PARP4: variants seen among roughly 807,000 people sequenced by gnomAD.
PARP4 encodes the protein protein mono-ADP-ribosyltransferase PARP4.
A neutral mutation model predicts 187.7 loss-of-function variants in PARP4; 120 were observed. That is an observed-to-expected ratio of 0.64 (90% CI 0.55 to 0.74). PARP4 has a LOEUF of 0.74. Ranked by LOEUF, PARP4 falls within the 30% of genes least tolerant of loss-of-function variation. The pLI is 0.00. For missense variants in PARP4, 1,836 were observed against 2,070.5 expected (o/e 0.89, Z 2.20); for synonymous variants, 654 against 740.9 (o/e 0.88, Z 1.90).
In PARP4 at chr13:24,498,273, T is replaced by A. The variant is rs532805187; in HGVS notation, c.478-44A>T. The A allele has an allele frequency of 6.3e-4, 712 of 1,134,978 alleles. 6 individuals carry two copies. The South Asian group carries it at 8.5e-3, about 14-fold the overall frequency. The allele number at this position is 1,134,978 out of a possible 1,614,324, so 70.3% of individuals were successfully genotyped here. Reference sequence around the variant, plus strand: ...TTTCAGAAGCTGCACTCGGGAAACATCAAACTACATGTGCCATTTGAAAAT... The same window carrying A: ...TTTCAGAAGCTGCACTCGGGAAACAACAAACTACATGTGCCATTTGAAAAT... On this transcript the variant is annotated intron_variant, in intron 5 of 33. Transcript: ENST00000381989.
At chr13:24,472,159 A>G (rs1276428090) in intron 15 of PARP4, among the ~76,000 whole-genome samples, 4 of 128,190 alleles carry the variant, frequency 3.1e-5, no homozygotes, top group African/African-American at 1.1e-4. Flanking sequence ...AACAATGGGC[A>G]TAATTATAGC....
chr13:24,446,099 C>T (rs1199021561), intron 27 of PARP4, among the ~76,000 whole-genome samples: 1 of 152,140 alleles, frequency 6.6e-6, no homozygotes, highest in Non-Finnish European at 1.5e-5. Context: ...TACTCTTAGT[C>T]CAGTATTATT....
chr13:24,429,513 G>A (rs56900489), intron 32 of PARP4, among the ~76,000 whole-genome samples: 7,229 of 152,212 alleles, frequency 0.047, 489 homozygotes, highest in African/African-American at 0.15. Flanking sequence ...GCTTTATTAG[G>A]ATGGGTCTAT....
intron 10 of PARP4, among the ~76,000 whole-genome samples, chr13:24,489,395 G>A (rs1461576004): frequency 6.6e-6 from 1 of 152,128 alleles, no homozygotes; most frequent in East Asian, 1.9e-4. Flanking sequence ...AGATCACAAG[G>A]TCAGGAGATC....
chr13:24,422,515 C>T (rs1418490175), intron 33 of PARP4, among the ~76,000 whole-genome samples: 1 of 152,108 alleles, frequency 6.6e-6, no homozygotes, highest in Non-Finnish European at 1.5e-5. Flanking sequence ...GTGCCTACAC[C>T]CCCATATAAT....
intron 8 of PARP4, among the ~76,000 whole-genome samples, chr13:24,492,857 C>A (rs1185130470): frequency 6.6e-6 from 1 of 152,190 alleles, no homozygotes; most frequent in Non-Finnish European, 1.5e-5. Flanking sequence ...GTGGACACAT[C>A]TACATACCTA....
chr13:24,459,638 T>C (rs1337521568), intron 18 of PARP4, among the ~76,000 whole-genome samples: 2 of 152,188 alleles, frequency 1.3e-5, no homozygotes, highest in Non-Finnish European at 2.9e-5. Context: ...CCATTAACTC[T>C]GGGCAATGGG....
In PARP4 at chr13:24,446,752, A is replaced by T. The variant is rs572444697; in HGVS notation, c.3295T>A (p.Cys1099Ser). 4.4e-6 allele frequency: 7 copies of T among 1,590,716 alleles called. No homozygotes were observed. In the East Asian group the frequency reaches 1.3e-4, roughly 30 times the overall value. Residue 1099 changes from cysteine to serine, a missense_variant, in exon 27 of 34, where the codon TGT becomes AGT. Coordinates refer to ENST00000381989, the MANE Select transcript of PARP4 (RefSeq NM_006437.4). Reference sequence around the variant, plus strand: ...AATTCTTTCTCTTGAATTAGTGCACACAGAGTTGCCTGAAATGGGGAAAAA... The same window carrying T: ...AATTCTTTCTCTTGAATTAGTGCACTCAGAGTTGCCTGAAATGGGGAAAAA... ...FIPHCTQATL[C>S]ALIQEKEFRT...
chr13:24,459,928 T>C (rs768715527), intron 18 of PARP4, 44 bp downstream of exon 18: 2 of 1,572,666 alleles, frequency 1.3e-6, no homozygotes, highest in Non-Finnish European at 1.7e-6. Flanking sequence ...CCACTCCCCC[T>C]CCACTGCTGC....
intron 17 of PARP4, among the ~76,000 whole-genome samples, chr13:24,464,588 T>C (rs1365904626): frequency 1.3e-5 from 2 of 152,186 alleles, no homozygotes; most frequent in South Asian, 2.1e-4. Flanking sequence ...GAAAACTGGC[T>C]AGCCATATGC....
intron 16 of PARP4, among the ~76,000 whole-genome samples, chr13:24,469,490 CT>C (rs891024802): frequency 4.0e-5 from 6 of 151,300 alleles, no homozygotes; most frequent in Non-Finnish European, 5.9e-5. Context: ...TGTTTCTTTT[CT>C]TTTTTTTTAG....
chr13:24,495,086 T>C (rs1269788082), intron 6 of PARP4, among the ~76,000 whole-genome samples: 1 of 152,078 alleles, frequency 6.6e-6, no homozygotes, highest in Non-Finnish European at 1.5e-5. Context: ...CCATGTTGGC[T>C]TGAATAACTC....
chr13:24,456,719 T>C (rs1367740282), intron 20 of PARP4, among the ~76,000 whole-genome samples: 2 of 151,930 alleles, frequency 1.3e-5, no homozygotes, highest in African/African-American at 4.8e-5. Context: ...GCCAACATGG[T>C]GAAACCCTGT....
At position 24,475,590 on chromosome 13, in the gene PARP4, T is replaced by C. The variant is rs1239861567; in HGVS notation, c.1796A>G (p.Gln599Arg). 1 of 1,614,106 alleles carries C rather than the reference T, an allele frequency of 6.2e-7. No individual in the cohort carries two copies. The highest frequency in any genetic ancestry group is 8.5e-7 in the Non-Finnish European group (1 of 1,179,936). Residue 599 changes from glutamine (Q) to arginine (R), a missense_variant, in exon 15 of 34, where the codon CAG becomes CGG. Transcript: ENST00000381989. ...GCTGGAAGTTTTGGCATCTGGTAACTGGTAATCTAAACGTTAAAAATGTTA... is the reference window on the plus strand; with the variant it reads ...GCTGGAAGTTTTGGCATCTGGTAACCGGTAATCTAAACGTTAAAAATGTTA... ...FSNFSKVEDY[Q>R]LPDAKTSSST...
Position 24,441,841 on chromosome 13 carries a change from T to C in PARP4, c.3666+5A>G. Reference sequence around the variant, plus strand: ...ATATCAACTTATTCGGTAATCAGCATTTACCTGGTTCCTGACGGCTTCTTG... The same window carrying C: ...ATATCAACTTATTCGGTAATCAGCACTTACCTGGTTCCTGACGGCTTCTTG... On this transcript the variant is annotated splice_donor_5th_base_variant and intron_variant, in intron 30 of 33. Transcript: ENST00000381989. 1 of 1,586,552 alleles carries C rather than the reference T, an allele frequency of 6.3e-7. No homozygotes were observed. Among genetic ancestry groups the C allele is most frequent in the Non-Finnish European group, 8.5e-7 (1 of 1,169,746 alleles).
At chr13:24,472,924 C>T (rs2137503937) in intron 15 of PARP4, among the ~76,000 whole-genome samples, 1 of 135,702 alleles carries the variant, frequency 7.4e-6, no homozygotes, top group Non-Finnish European at 1.5e-5. Context: ...GAGACAGGGT[C>T]TCACTCTATC....
chr13:24,424,658 T>G (rs1332825051), intron 33 of PARP4, among the ~76,000 whole-genome samples: 1 of 150,746 alleles, frequency 6.6e-6, no homozygotes, highest in African/African-American at 2.5e-5. Flanking sequence ...TAGAGAGATA[T>G]AGTCAAATTA....
At position 24,494,362 on chromosome 13, in the gene PARP4, GT is replaced by G. The variant is rs1425407161; in HGVS notation, c.741+210del. 6.6e-5 allele frequency among the ~76,000 whole-genome samples: 10 copies of G among 152,192 alleles called. No individual in the cohort carries two copies. In the East Asian group the frequency reaches 1.9e-3, roughly 29 times the overall value. On this transcript the variant is annotated intron_variant, in intron 7 of 33. Transcript: ENST00000381989. ...AGGTACACCACCATTCCTGGGTAAT[GT>G]TTTTCAGTTTACGTAGAAATGGGTC...
chr13:24,426,816 C>T (rs112405330), intron 32 of PARP4, among the ~76,000 whole-genome samples: 2,387 of 146,620 alleles, frequency 0.016, 68 homozygotes, highest in African/African-American at 0.055. Flanking sequence ...GGCGTGAACC[C>T]GGGAGGCGGA....
Sources: allele counts gnomAD v4.1 joint callset (sites outside exome capture counted in the v4.1 genomes callset), GRCh38; gene constraint gnomAD v4.1.1; transcripts MANE v1.5; gene names NCBI Gene and HGNC (gene_info 2026-07-23, HGNC 2026-07-21).